The following FMNL2 variants were observed in gnomAD, a reference collection of about 807,000 sequenced individuals.
FMNL2 encodes formin like 2, also known as formin-like protein 2.
Under a neutral mutation model 130.2 loss-of-function variants are expected in FMNL2, and 51 were observed. The observed-to-expected ratio is 0.39, with a 90% CI of 0.31 to 0.49. The LOEUF (loss-of-function observed/expected upper bound fraction) is 0.49. Ranked by LOEUF, FMNL2 falls within the 20% of genes least tolerant of loss-of-function variation. FMNL2 has a pLI of 0.85. For missense variants in FMNL2, 977 were observed against 1,316.2 expected, an observed-to-expected ratio of 0.74 and a Z score of 3.99; for synonymous variants, 465 against 467.1, an observed-to-expected ratio of 1.00 and a Z score of 0.06.
At chr2:152,345,040 AT>A (rs764882848) in intron 1 of FMNL2, among the ~76,000 whole-genome samples, 57 of 152,202 alleles carry the variant, frequency 3.7e-4, no homozygotes, top group Non-Finnish European at 6.3e-4. Context: ...AATTTTTAGC[AT>A]TTGTGGTTTG....
intron 9 of FMNL2, among the ~76,000 whole-genome samples, chr2:152,606,292 A>T (rs1420308283): frequency 1.3e-5 from 2 of 152,256 alleles, no homozygotes; most frequent in East Asian, 3.8e-4. Context: ...CTAATGCAGC[A>T]AATAGTCAGG....
At chr2:152,463,817 T>C (rs957400339) in intron 1 of FMNL2, among the ~76,000 whole-genome samples, 6 of 152,236 alleles carry the variant, frequency 3.9e-5, no homozygotes, top group African/African-American at 1.4e-4. Flanking sequence ...TAGTTTATAA[T>C]GAATTGAATG....
At chr2:152,484,065 A>G (rs1690681038) in intron 1 of FMNL2, among the ~76,000 whole-genome samples, 1 of 152,176 alleles carries the variant, frequency 6.6e-6, no homozygotes, top group South Asian at 2.1e-4. Flanking sequence ...GAATCAAGCT[A>G]TTGCTGGAAG....
At chr2:152,505,801 G>T (rs1429439716) in intron 1 of FMNL2, among the ~76,000 whole-genome samples, 4 of 152,208 alleles carry the variant, frequency 2.6e-5, no homozygotes, top group Non-Finnish European at 5.9e-5. Context: ...TTCTTGCTTA[G>T]CTAGTAATAC....
intron 1 of FMNL2, among the ~76,000 whole-genome samples, chr2:152,443,048 G>C (rs933208376): frequency 6.6e-6 from 1 of 152,190 alleles, no homozygotes; most frequent in African/African-American, 2.4e-5. Context: ...CCTGAAAAAT[G>C]TATCACTATT....
intron 1 of FMNL2, among the ~76,000 whole-genome samples, chr2:152,346,067 CA>C (rs1191199082): frequency 6.6e-6 from 1 of 151,970 alleles, no homozygotes; most frequent in Non-Finnish European, 1.5e-5. Context: ...CTCTGTTGCC[CA>C]CGCTGGAGTG....
rs35777040 is a variant in FMNL2 at position 152,589,330 on chromosome 2, CAA to C, written c.876+8289_876+8290del. Among the ~76,000 whole-genome samples, 5 of 151,552 alleles carry C rather than the reference CAA, an allele frequency of 3.3e-5. No individual in the cohort carries two copies. In the East Asian group the frequency reaches 9.7e-4, roughly 29 times the overall value. On this transcript the variant is annotated intron_variant, in intron 9 of 25. Coordinates refer to ENST00000288670, the MANE Select transcript of FMNL2 (RefSeq NM_052905.4). Reference sequence around the variant, plus strand: ...TTAAAAAAACAAACAAAAAAAACAACAAAAAAAAACCCAGGGTGTTAGGGTGT... The same window carrying C: ...TTAAAAAAACAAACAAAAAAAACAACAAAAAAACCCAGGGTGTTAGGGTGT...
intron 1 of FMNL2, among the ~76,000 whole-genome samples, chr2:152,444,796 G>A (rs926287644): frequency 2.6e-5 from 4 of 152,216 alleles, no homozygotes; most frequent in Non-Finnish European, 5.9e-5. Context: ...AAGCCTATGG[G>A]TAACTCAGTG....
chr2:152,380,072 A>G (rs1684379666), intron 1 of FMNL2, among the ~76,000 whole-genome samples: 2 of 152,212 alleles, frequency 1.3e-5, no homozygotes, highest in Non-Finnish European at 2.9e-5. Flanking sequence ...GTTAATTGAT[A>G]CTAGTCATTC....
chr2:152,644,096 T>A (rs1054549365), intron 25 of FMNL2, among the ~76,000 whole-genome samples: 2 of 152,050 alleles, frequency 1.3e-5, no homozygotes, highest in African/African-American at 4.8e-5. Context: ...TGGTGCACAC[T>A]TGTAGTCCCA....
chr2:152,348,667 C>T (rs2105763882), intron 1 of FMNL2, among the ~76,000 whole-genome samples: 1 of 152,250 alleles, frequency 6.6e-6, no homozygotes, highest in South Asian at 2.1e-4. Flanking sequence ...TTCCCTGACT[C>T]CTTGTGAATT....
chr2:152,576,007 C>T (rs537648441), intron 7 of FMNL2, among the ~76,000 whole-genome samples: 22 of 152,166 alleles, frequency 1.4e-4, no homozygotes, highest in East Asian at 5.8e-4. Flanking sequence ...TAGTACCTAG[C>T]GTGAACTGGT....
Position 152,430,297 on chromosome 2 carries a change from T to A in FMNL2, c.118-91646T>A, listed in dbSNP as rs1687426439. On this transcript the variant is annotated intron_variant, in intron 1 of 25. Transcript: ENST00000288670. ...TTGCGACCAGGCTATCCTTTGTCTC[T>A]TCCTTGACAGACAGCAGTGGGTTGC... 2.0e-5 allele frequency among the ~76,000 whole-genome samples: 3 copies of A among 152,206 alleles called. No homozygotes were observed. In the South Asian group the frequency reaches 6.2e-4, roughly 31 times the overall value.
intron 21 of FMNL2, among the ~76,000 whole-genome samples, chr2:152,634,956 G>C (rs1479307461): frequency 6.6e-6 from 1 of 152,026 alleles, no homozygotes; most frequent in Non-Finnish European, 1.5e-5. Context: ...TTGGCTTTGG[G>C]AAGTGCTTTG....
intron 1 of FMNL2, among the ~76,000 whole-genome samples, chr2:152,465,712 C>T (rs989134137): frequency 4.6e-5 from 7 of 152,210 alleles, no homozygotes; most frequent in African/African-American, 1.7e-4. Context: ...TGGAAGTACT[C>T]GGCTTTTCTT....
intron 1 of FMNL2, among the ~76,000 whole-genome samples, chr2:152,438,746 G>GTA (rs1156819790): frequency 2.0e-5 from 3 of 152,120 alleles, no homozygotes; most frequent in Non-Finnish European, 2.9e-5. Context: ...TATTCTCTGA[G>GTA]TAAACAATCA....
At chr2:152,504,143 A>G (rs1692015160) in intron 1 of FMNL2, among the ~76,000 whole-genome samples, 1 of 152,202 alleles carries the variant, frequency 6.6e-6, no homozygotes, top group African/African-American at 2.4e-5. Context: ...GCAAGCCAAG[A>G]TCGTGCCACT....
intron 1 of FMNL2, among the ~76,000 whole-genome samples, chr2:152,348,901 C>G (rs1255600225): frequency 7.9e-6 from 1 of 127,032 alleles, no homozygotes; most frequent in Non-Finnish European, 1.6e-5. Context: ...GTGGCACAAT[C>G]TCGGCTCACT....
At chr2:152,631,316 G>A (rs1336350981) in intron 20 of FMNL2, among the ~76,000 whole-genome samples, 4 of 146,320 alleles carry the variant, frequency 2.7e-5, no homozygotes, top group African/African-American at 1.0e-4. Context: ...TCGCTTGAAC[G>A]CAGGAGGTGG....
Sources: allele counts gnomAD v4.1 joint callset (sites outside exome capture counted in the v4.1 genomes callset), GRCh38; gene constraint gnomAD v4.1.1; transcripts MANE v1.5; gene names NCBI Gene and HGNC (gene_info 2026-07-23, HGNC 2026-07-21).